The following MILR1 variants were observed in gnomAD, a reference collection of about 807,000 sequenced individuals.
MILR1 encodes the protein allergin-1.
A neutral mutation model predicts 18.5 loss-of-function variants in MILR1; 31 were observed. The observed-to-expected ratio is 1.68, with a 90% confidence interval of 1.26 to 2.26. MILR1 has a LOEUF of 2.26. Ranked by LOEUF, MILR1 falls within the 30% of genes most tolerant of loss-of-function variation. MILR1 has a pLI of 0.00. For synonymous variants in MILR1, 85 were observed against 56.2 expected, an observed-to-expected ratio of 1.51 and a Z score of -2.30; for missense variants, 257 against 157.4, an observed-to-expected ratio of 1.63 and a Z score of -3.38.
the MILR1 span, chr17:64,496,992 ACT>A: frequency 1.3e-6 from 2 of 1,591,814 alleles, no homozygotes; most frequent in Non-Finnish European, 1.7e-6. Context: ...TAAAGAGCAC[ACT>A]CTCCCATCAC....
At chr17:64,491,132 AT>A in the MILR1 span, among the ~76,000 whole-genome samples, 2 of 151,528 alleles carry the variant, frequency 1.3e-5, no homozygotes, top group African/African-American at 2.4e-5. Context: ...TCTAATTTAC[AT>A]TTTTTTTTGA....
the MILR1 span, chr17:64,492,606 C>A: frequency 1.4e-5 from 13 of 908,110 alleles, no homozygotes; most frequent in Non-Finnish European, 2.3e-5. Flanking sequence ...GAAGAATTAC[C>A]ACTGACACAT....
At chr17:64,460,254 G>T (rs1361600902) in intron 4 of MILR1, among the ~76,000 whole-genome samples, 1 of 151,972 alleles carries the variant, frequency 6.6e-6, no homozygotes, top group Non-Finnish European at 1.5e-5. Flanking sequence ...TCAAACTCCT[G>T]ACCTCAGGTG....
At chr17:64,482,777 A>C in the MILR1 span, 5 of 635,158 alleles carry the variant, frequency 7.9e-6, no homozygotes, top group South Asian at 9.0e-5. Flanking sequence ...AATGCTCATC[A>C]GAACATTTAA....
At chr17:64,472,715 A>G (rs1555664831), downstream of MILR1, among the ~76,000 whole-genome samples, 1 of 152,054 alleles carries the variant, frequency 6.6e-6, no homozygotes, top group East Asian at 1.9e-4. Context: ...GGAAGAATAG[A>G]CTATCCCACA....
chr17:64,475,187 A>G, the MILR1 span, among the ~76,000 whole-genome samples: 1 of 141,402 alleles, frequency 7.1e-6, no homozygotes, highest in Non-Finnish European at 1.5e-5. Context: ...CTGTCTCAAG[A>G]AAAAAAAAAA....
chr17:64,473,496 GA>G (rs1468148656), downstream of MILR1, among the ~76,000 whole-genome samples: 7 of 152,040 alleles, frequency 4.6e-5, no homozygotes, highest in African/African-American at 1.7e-4. Flanking sequence ...GTCCTGGAAG[GA>G]AATGGACTAG....
At chr17:64,476,333 A>G in the MILR1 span, among the ~76,000 whole-genome samples, 1 of 152,178 alleles carries the variant, frequency 6.6e-6, no homozygotes, top group Non-Finnish European at 1.5e-5. Flanking sequence ...GTTATTAACA[A>G]AAGATCCTTA....
In MILR1 at chr17:64,457,673, T is replaced by C. The variant is rs962811781; in HGVS notation, c.641T>C (p.Met214Thr). ...GCAACATACAGTCACCCTGTCACCATGCCCTCAACAGGTAAGAGCAACCTG... is the reference window on the plus strand; with the variant it reads ...GCAACATACAGTCACCCTGTCACCACGCCCTCAACAGGTAAGAGCAACCTG... ...NYATYSHPVTMPSTGGDSCPF... is the reference protein window; with the variant it reads ...NYATYSHPVTTPSTGGDSCPF... Residue 214 changes from methionine to threonine, a missense_variant, in exon 4 of 10, where the codon ATG becomes ACG. Met to Thr is a moderately conservative substitution (Grantham distance 81). Transcript: ENST00000619286. 2.1e-6 allele frequency: 1 copy of C among 474,570 alleles called. No homozygotes were observed. Among genetic ancestry groups the C allele is most frequent in the African/African-American group, 2.0e-5 (1 of 50,534 alleles). 29.4% of individuals were successfully genotyped at this position (474,570 alleles called of 1,614,324 possible).
the MILR1 span, among the ~76,000 whole-genome samples, chr17:64,493,974 T>C: frequency 1.3e-5 from 2 of 152,292 alleles, no homozygotes; most frequent in South Asian, 4.1e-4. Flanking sequence ...TATAACACCA[T>C]AAAAAGTTAA....
At chr17:64,489,397 T>C in the MILR1 span, among the ~76,000 whole-genome samples, 6 of 151,026 alleles carry the variant, frequency 4.0e-5, no homozygotes, top group Admixed American at 1.3e-4. Context: ...AAAAACACCA[T>C]TGGCAAACCT....
intron 3 of MILR1, among the ~76,000 whole-genome samples, chr17:64,454,916 G>A (rs1021664968): frequency 2.6e-5 from 4 of 152,130 alleles, no homozygotes; most frequent in African/African-American, 9.7e-5. Context: ...TGGGAGGATT[G>A]CCTCAGCCCA....
chr17:64,490,027 C>T, the MILR1 span, among the ~76,000 whole-genome samples: 3 of 151,964 alleles, frequency 2.0e-5, no homozygotes, highest in East Asian at 5.8e-4. Flanking sequence ...CGGGTTCAAG[C>T]GATTCTCCTG....
Position 64,468,611 on chromosome 17 carries a change from G to A in MILR1, c.*330G>A, listed in dbSNP as rs2144095597. 1.8e-6 allele frequency: 2 copies of A among 1,133,946 alleles called. No homozygotes were observed. The highest frequency in any genetic ancestry group is 3.8e-5 in the South Asian group (2 of 52,128). The allele number at this position is 1,133,946 out of a possible 1,614,324, so 70.2% of individuals were successfully genotyped here. ...GCCCTGAATCGCTTTAGTAAATAAA[G>A]GGTCTCCAAGAATAAATTCATCCGA... On this transcript the variant is annotated 3_prime_UTR_variant, in exon 10 of 10. Transcript: ENST00000619286.
At chr17:64,485,595 T>C in the MILR1 span, 11 of 768,700 alleles carry the variant, frequency 1.4e-5, no homozygotes, top group East Asian at 2.8e-4. Context: ...CTAAAAAAAC[T>C]GAAAAATACT....
At chr17:64,479,130 T>C in the MILR1 span, among the ~76,000 whole-genome samples, 1 of 151,868 alleles carries the variant, frequency 6.6e-6, no homozygotes, top group Non-Finnish European at 1.5e-5. Context: ...AATAAAACCA[T>C]TAGATGCTCT....
At chr17:64,479,491 G>A in the MILR1 span, among the ~76,000 whole-genome samples, 3 of 151,960 alleles carry the variant, frequency 2.0e-5, no homozygotes, top group Non-Finnish European at 4.4e-5. Flanking sequence ...AGCCTGGAAG[G>A]TGTATTTTAA....
chr17:64,497,237 T>C, the MILR1 span, among the ~76,000 whole-genome samples: 4 of 152,260 alleles, frequency 2.6e-5, no homozygotes, highest in African/African-American at 9.6e-5. Flanking sequence ...TTTTCTTTCC[T>C]CGTAAGCACC....
At chr17:64,468,673 A>G (rs1332273995), downstream of MILR1, 7 of 1,089,816 alleles carry the variant, frequency 6.4e-6, no homozygotes, top group Non-Finnish European at 7.9e-6. Flanking sequence ...ACTCTTCAAT[A>G]TTCTGCTCAC....
Sources: allele counts gnomAD v4.1 joint callset (sites outside exome capture counted in the v4.1 genomes callset), GRCh38; gene constraint gnomAD v4.1.1; transcripts MANE v1.5; gene names NCBI Gene and HGNC (gene_info 2026-07-23, HGNC 2026-07-21).